Variants in SMCO4 observed in about 807,000 individuals in gnomAD.
SMCO4 encodes single-pass membrane and coiled-coil domain-containing protein 4.
In SMCO4, 4 loss-of-function variants were observed where a neutral mutation model predicts 3.6. That is an observed-to-expected ratio of 1.11 (90% confidence interval 0.54 to 2.53). The LOEUF is 2.53. Among genes scored for constraint, SMCO4 ranks in the 30% most tolerant of loss-of-function variants. The probability of loss-of-function intolerance (pLI) is 0.02; values close to 1 mark genes in which losing one functional copy is unlikely to be tolerated. For missense variants in SMCO4, 70 were observed against 80.8 expected (o/e 0.87, Z 0.51); for synonymous variants, 36 against 35.3 (o/e 1.02, Z -0.07).
Position 93,478,985 on chromosome 11 carries a change from T to G in SMCO4, c.*25A>C. On this transcript the variant is annotated 3_prime_UTR_variant, in exon 3 of 3. Coordinates refer to ENST00000298966, the MANE Select transcript of SMCO4 (RefSeq NM_020179.3). Reference sequence around the variant, plus strand: ...CTCCCGCGCCTCCTCTCCCTGCCGATGGGGTCCGCAGCCGGCTGCGGGGCT... The same window carrying G: ...CTCCCGCGCCTCCTCTCCCTGCCGAGGGGGTCCGCAGCCGGCTGCGGGGCT... The G allele has an allele frequency of 6.3e-7, 1 of 1,581,368 alleles. No homozygotes were observed. Among genetic ancestry groups the G allele is most frequent in the African/African-American group, 1.3e-5 (1 of 74,470 alleles).
chr11:93,494,176 T>A (rs1948749919), intron 2 of SMCO4, among the ~76,000 whole-genome samples: 1 of 151,984 alleles, frequency 6.6e-6, no homozygotes, highest in Non-Finnish European at 1.5e-5. Context: ...CAGGAAAAAA[T>A]AATATGGTAG....
chr11:93,522,790 G>C (rs16919026), intron 1 of SMCO4, among the ~76,000 whole-genome samples: 2,179 of 152,200 alleles, frequency 0.014, 46 homozygotes, highest in African/African-American at 0.049. Flanking sequence ...TTCCCTTAGT[G>C]TCAAAAACCA....
At chr11:93,547,328 A>G (rs1447786126), upstream of SMCO4, among the ~76,000 whole-genome samples, 1 of 152,232 alleles carries the variant, frequency 6.6e-6, no homozygotes, top group Non-Finnish European at 1.5e-5. Flanking sequence ...GCCTCCAAAC[A>G]TAATCATCAG....
intron 2 of SMCO4, among the ~76,000 whole-genome samples, chr11:93,484,456 A>G (rs534741933): frequency 6.6e-6 from 1 of 152,324 alleles, no homozygotes; most frequent in East Asian, 1.9e-4. Flanking sequence ...CCATCTGGTT[A>G]AACGATCTTG....
In SMCO4 at chr11:93,512,985, G is replaced by A. The variant is rs1309397561; in HGVS notation, c.-153-13637C>T. ...CTGAAAGGCAGTGGGGCAAGAGGATGGTCGGCAGGCCCGAGAGGTGTGGGG... is the reference window on the plus strand; with the variant it reads ...CTGAAAGGCAGTGGGGCAAGAGGATAGTCGGCAGGCCCGAGAGGTGTGGGG... On this transcript the variant is annotated intron_variant, in intron 1 of 2. Coordinates refer to ENST00000298966, the MANE Select transcript of SMCO4 (RefSeq NM_020179.3). Among the ~76,000 whole-genome samples, 3 of 152,194 alleles carry A rather than the reference G, an allele frequency of 2.0e-5. No homozygotes were observed. In the East Asian group the frequency reaches 5.8e-4, roughly 29 times the overall value.
chr11:93,522,368 C>G (rs1949065901), intron 1 of SMCO4, among the ~76,000 whole-genome samples: 1 of 152,160 alleles, frequency 6.6e-6, no homozygotes, highest in South Asian at 2.1e-4. Context: ...AAGGGACCTA[C>G]CTGGTACTGG....
chr11:93,527,879 G>A (rs1949124449), intron 1 of SMCO4, among the ~76,000 whole-genome samples: 2 of 152,286 alleles, frequency 1.3e-5, no homozygotes, highest in South Asian at 4.1e-4. Context: ...GGGTTCAGGT[G>A]ATCTTCCCAA....
chr11:93,506,731 A>G (rs922558548), intron 1 of SMCO4, among the ~76,000 whole-genome samples: 20 of 152,234 alleles, frequency 1.3e-4, no homozygotes, highest in African/African-American at 4.6e-4. Flanking sequence ...ATGAGCCACC[A>G]CGCCTGTCCT....
At chr11:93,484,770 T>C (rs1327037279) in intron 2 of SMCO4, among the ~76,000 whole-genome samples, 1 of 151,920 alleles carries the variant, frequency 6.6e-6, no homozygotes, top group Non-Finnish European at 1.5e-5. Context: ...ACCAATTAGC[T>C]GTTGGGCAGG....
chr11:93,530,186 G>T (rs1252603407), intron 1 of SMCO4, among the ~76,000 whole-genome samples: 1 of 152,208 alleles, frequency 6.6e-6, no homozygotes, highest in Non-Finnish European at 1.5e-5. Context: ...GGCAGGCATG[G>T]CGTTCACCAG....
rs1565369863 is a variant in SMCO4 at position 93,478,893 on chromosome 11, G to A, written c.*117C>T. ...AGTCAAAGACCAGAGAAGACAGGGT[G>A]CTCCTGCTTACAGCTCAGCAACATG... is the stretch of plus-strand genomic sequence containing the variant. On this transcript the variant is annotated 3_prime_UTR_variant, in exon 3 of 3. Coordinates refer to ENST00000298966, the MANE Select transcript of SMCO4 (RefSeq NM_020179.3). 1.4e-6 allele frequency: 2 copies of A among 1,442,048 alleles called. No individual in the cohort carries two copies. The highest frequency in any genetic ancestry group is 5.0e-5 in the East Asian group (2 of 39,970). The allele number at this position is 1,442,048 out of a possible 1,614,324, so 89.3% of individuals were successfully genotyped here.
chr11:93,490,940 T>C (rs1948707622), intron 2 of SMCO4, among the ~76,000 whole-genome samples: 1 of 152,230 alleles, frequency 6.6e-6, no homozygotes, highest in South Asian at 2.1e-4. Flanking sequence ...CTGAAGTCTC[T>C]TTCCATTCTG....
chr11:93,489,511 G>A (rs961191566), intron 2 of SMCO4, among the ~76,000 whole-genome samples: 1 of 152,196 alleles, frequency 6.6e-6, no homozygotes, highest in Non-Finnish European at 1.5e-5. Flanking sequence ...GGGGCCCACT[G>A]CAGTTGGAGG....
chr11:93,489,540 G>C (rs972873757), intron 2 of SMCO4, among the ~76,000 whole-genome samples: 2 of 152,180 alleles, frequency 1.3e-5, no homozygotes, highest in Non-Finnish European at 2.9e-5. Flanking sequence ...CTTGAAGCAG[G>C]AAAGTCAGGA....
chr11:93,486,571 T>A (rs1948652976), intron 2 of SMCO4, among the ~76,000 whole-genome samples: 1 of 152,082 alleles, frequency 6.6e-6, no homozygotes, highest in African/African-American at 2.4e-5. Flanking sequence ...ATGCACCACA[T>A]CCCGCTTGAG....
At chr11:93,535,319 C>A in intron 1 of SMCO4, 1 of 572,624 alleles carries the variant, frequency 1.7e-6, no homozygotes, top group South Asian at 2.2e-5. Context: ...GAGCCATGGT[C>A]CTTGAGGGTT....
At chr11:93,518,167 T>C (rs1280153803) in intron 1 of SMCO4, among the ~76,000 whole-genome samples, 1 of 152,206 alleles carries the variant, frequency 6.6e-6, no homozygotes, top group Non-Finnish European at 1.5e-5. Context: ...GATTTACCTA[T>C]TCTGGATAAT....
At chr11:93,550,142 C>T in the SMCO4 span, among the ~76,000 whole-genome samples, 1 of 152,150 alleles carries the variant, frequency 6.6e-6, no homozygotes, top group East Asian at 1.9e-4. Context: ...CCCCTGCTGC[C>T]GGCAACCAAA....
At chr11:93,535,402 A>T in intron 1 of SMCO4, 1 of 928,228 alleles carries the variant, frequency 1.1e-6, no homozygotes, top group Non-Finnish European at 1.6e-6. Context: ...ATAAGAATCA[A>T]GAAGCCAAAT....
Sources: allele counts gnomAD v4.1 joint callset (sites outside exome capture counted in the v4.1 genomes callset), GRCh38; gene constraint gnomAD v4.1.1; transcripts MANE v1.5; gene names NCBI Gene and HGNC (gene_info 2026-07-23, HGNC 2026-07-21).